The following CEMIP variants were observed in gnomAD, a reference collection of about 807,000 sequenced individuals.
CEMIP encodes the protein cell migration-inducing and hyaluronan-binding protein.
In CEMIP, 105 loss-of-function variants were observed where a neutral mutation model predicts 156.9. The ratio of observed to expected loss-of-function variants is 0.67; its 90% CI spans 0.57 to 0.79. The LOEUF (loss-of-function observed/expected upper bound fraction) is 0.79. CEMIP is among the 30% of genes least tolerant of loss of function. The pLI, the probability that CEMIP is intolerant of heterozygous loss-of-function variation, is 0.00. For synonymous variants in CEMIP, 676 were observed against 668.4 expected (o/e 1.01, Z -0.17); for missense variants, 1,457 against 1,769.4 (o/e 0.82, Z 3.17).
chr15:80,862,653 G>T (rs371869253), intron 1 of CEMIP, among the ~76,000 whole-genome samples: 35 of 152,196 alleles, frequency 2.3e-4, no homozygotes, highest in South Asian at 6.2e-4. Context: ...GGGCTGGACT[G>T]GGGGGAGAAT....
rs889136178 is a variant in CEMIP at position 80,881,271 on chromosome 15, G to A, written c.617+135G>A. On this transcript the variant is annotated intron_variant, in intron 6 of 29. Coordinates refer to ENST00000394685, the MANE Select transcript of CEMIP (RefSeq NM_001293298.2). The stretch of plus-strand genomic sequence containing the variant: ...AACAGATGGGAATCCCTGCCTTCAA[G>A]GAGTTCTGTCCTTCCCCAGGCATTG... 3 of 824,990 alleles carry A rather than the reference G, an allele frequency of 3.6e-6. No individual in the cohort carries two copies. In the African/African-American group the frequency reaches 5.0e-5, roughly 14 times the overall value. 51.1% of individuals were successfully genotyped at this position (824,990 alleles called of 1,614,324 possible).
intron 14 of CEMIP, among the ~76,000 whole-genome samples, chr15:80,914,786 A>T (rs996495119): frequency 5.3e-5 from 8 of 152,224 alleles, no homozygotes; most frequent in African/African-American, 1.9e-4. Context: ...ATTTATCAAG[A>T]CAGGGGAATT....
At chr15:80,842,123 C>T (rs578033362) in intron 1 of CEMIP, 1 of 515,620 alleles carries the variant, frequency 1.9e-6, no homozygotes. Flanking sequence ...GAAACACACT[C>T]TTGGAATAGA....
At chr15:80,843,003 G>T (rs1376797949) in intron 1 of CEMIP, among the ~76,000 whole-genome samples, 1 of 152,234 alleles carries the variant, frequency 6.6e-6, no homozygotes, top group East Asian at 1.9e-4. Flanking sequence ...AAGCAGCAGA[G>T]AACATCTTGC....
At chr15:80,892,115 C>T (rs144659177) in intron 10 of CEMIP, among the ~76,000 whole-genome samples, 13 of 152,182 alleles carry the variant, frequency 8.5e-5, no homozygotes, top group Non-Finnish European at 1.2e-4. Flanking sequence ...TGAGCTTTTA[C>T]GTGCTCCTCT....
chr15:80,846,688 C>G (rs1447154236), intron 1 of CEMIP, among the ~76,000 whole-genome samples: 1 of 152,134 alleles, frequency 6.6e-6, no homozygotes, highest in Non-Finnish European at 1.5e-5. Context: ...CCGGTGGTCC[C>G]GATGCCACTA....
chr15:80,853,016 A>G (rs746689929), intron 1 of CEMIP, among the ~76,000 whole-genome samples: 5 of 152,202 alleles, frequency 3.3e-5, no homozygotes, highest in Non-Finnish European at 4.4e-5. Flanking sequence ...GTGAGTCAGG[A>G]GAATGACTTC....
At chr15:80,947,882 C>A (rs1901630728) in intron 29 of CEMIP, 1 of 152,138 alleles carries the variant, frequency 6.6e-6, no homozygotes, top group Non-Finnish European at 1.5e-5. Context: ...AAGGTTAGGA[C>A]TTGGATCCTA....
At chr15:80,814,413 AC>A (rs1896744654) in intron 1 of CEMIP, among the ~76,000 whole-genome samples, 1 of 152,112 alleles carries the variant, frequency 6.6e-6, no homozygotes, top group South Asian at 2.1e-4. Context: ...TCAGCCTGGT[AC>A]CCAGCAGTTC....
At chr15:80,805,769 T>A (rs1381958117) in intron 1 of CEMIP, among the ~76,000 whole-genome samples, 2 of 152,224 alleles carry the variant, frequency 1.3e-5, no homozygotes, top group African/African-American at 4.8e-5. Context: ...AAACTTGATA[T>A]GCCAAATCTA....
At chr15:80,848,900 G>GCGCACACACACACACACACA (rs1555430239) in intron 1 of CEMIP, among the ~76,000 whole-genome samples, 36 of 134,632 alleles carry the variant, frequency 2.7e-4, no homozygotes, top group African/African-American at 9.2e-4. Context: ...GTGTGCGCGT[G>GCGCACACACACACACACACA]CACACACACA....
At chr15:80,881,277 C>T in intron 6 of CEMIP, 141 bp downstream of exon 6, 2 of 797,958 alleles carry the variant, frequency 2.5e-6, no homozygotes, top group Admixed American at 1.8e-5. Context: ...TCAAGGAGTT[C>T]TGTCCTTCCC....
chr15:80,862,987 G>A (rs912726255), intron 1 of CEMIP, among the ~76,000 whole-genome samples: 6 of 152,170 alleles, frequency 3.9e-5, no homozygotes, highest in Admixed American at 6.5e-5. Flanking sequence ...TGGGATTGGC[G>A]GGAGAGGCCA....
chr15:80,933,584 T>C, intron 23 of CEMIP, 124 bp downstream of exon 23: 1 of 735,536 alleles, frequency 1.4e-6, no homozygotes. Flanking sequence ...TTTTTTTTCT[T>C]TTTCTTTCTT....
At chr15:80,792,511 A>C (rs1054868171) in intron 1 of CEMIP, among the ~76,000 whole-genome samples, 1 of 152,120 alleles carries the variant, frequency 6.6e-6, no homozygotes, top group Non-Finnish European at 1.5e-5. Flanking sequence ...CATCCCCTAA[A>C]ATAGGATGAT....
chr15:80,814,283 T>C (rs888106706), intron 1 of CEMIP, among the ~76,000 whole-genome samples: 6 of 151,910 alleles, frequency 3.9e-5, no homozygotes, highest in Non-Finnish European at 7.4e-5. Flanking sequence ...TCTCCTGACC[T>C]CGTGATCCAC....
At chr15:80,907,239 T>C (rs1899846775) in intron 13 of CEMIP, among the ~76,000 whole-genome samples, 1 of 152,156 alleles carries the variant, frequency 6.6e-6, no homozygotes, top group Non-Finnish European at 1.5e-5. Flanking sequence ...ACCATATAGA[T>C]AAAACAATAA....
intron 19 of CEMIP, among the ~76,000 whole-genome samples, chr15:80,927,680 G>T (rs942632016): frequency 6.6e-6 from 1 of 152,104 alleles, no homozygotes; most frequent in African/African-American, 2.4e-5. Context: ...GTGGTCCTAC[G>T]TGTGGACAAG....
chr15:80,891,572 G>T (rs1899033771), intron 10 of CEMIP, among the ~76,000 whole-genome samples: 1 of 152,218 alleles, frequency 6.6e-6, no homozygotes, highest in Non-Finnish European at 1.5e-5. Context: ...GCTTAGGGAA[G>T]TCTTCCCACA....
Sources: gnomAD v4.1 joint callset for allele counts (sites outside exome capture counted in the v4.1 genomes callset) on GRCh38, gnomAD v4.1.1 for gene constraint, MANE v1.5 for transcripts, NCBI Gene and HGNC (gene_info 2026-07-23, HGNC 2026-07-21) for gene names.